The following ST6GALNAC3 variants were observed in gnomAD, a reference collection of about 807,000 sequenced individuals.
ST6GALNAC3 encodes the protein ST6 N-acetylgalactosaminide alpha-2,6-sialyltransferase 3.
A neutral mutation model predicts 32.7 loss-of-function variants in ST6GALNAC3; 25 were observed. That is an observed-to-expected ratio of 0.76 (90% confidence interval 0.56 to 1.07). ST6GALNAC3 has a LOEUF of 1.07. Among genes scored for constraint, ST6GALNAC3 ranks in the 50% least tolerant of loss-of-function variants. ST6GALNAC3 has a pLI of 0.00. For synonymous variants in ST6GALNAC3, 129 were observed against 133.1 expected (o/e 0.97, Z 0.21); for missense variants, 355 against 382.4 (o/e 0.93, Z 0.60).
chr1:76,487,737 T>G (rs539707487), intron 3 of ST6GALNAC3, among the ~76,000 whole-genome samples: 1 of 152,342 alleles, frequency 6.6e-6, no homozygotes, highest in East Asian at 1.9e-4. Flanking sequence ...GTCAAAGTCA[T>G]TCTCCATCCA....
At chr1:76,432,157 A>G (rs546114204) in intron 3 of ST6GALNAC3, among the ~76,000 whole-genome samples, 1 of 152,290 alleles carries the variant, frequency 6.6e-6, no homozygotes, top group East Asian at 1.9e-4. Context: ...TATTACACCC[A>G]TTTAAAGTTC....
chr1:76,476,782 T>C (rs759336870), intron 3 of ST6GALNAC3, among the ~76,000 whole-genome samples: 2 of 152,158 alleles, frequency 1.3e-5, no homozygotes, highest in Non-Finnish European at 2.9e-5. Flanking sequence ...TTTATGAAAA[T>C]GAGCAGCTGG....
intron 3 of ST6GALNAC3, among the ~76,000 whole-genome samples, chr1:76,571,901 G>A (rs1269198165): frequency 6.6e-6 from 1 of 151,940 alleles, no homozygotes; most frequent in Non-Finnish European, 1.5e-5. Context: ...AGAAAAAAGG[G>A]TGAATTTTCC....
chr1:76,484,425 A>G (rs1049975256), intron 3 of ST6GALNAC3, among the ~76,000 whole-genome samples: 1 of 152,172 alleles, frequency 6.6e-6, no homozygotes, highest in Non-Finnish European at 1.5e-5. Flanking sequence ...TTCTCCTTGA[A>G]GAGGTCCTTC....
At chr1:76,317,971 C>G (rs1220918263) in intron 2 of ST6GALNAC3, among the ~76,000 whole-genome samples, 2 of 151,978 alleles carry the variant, frequency 1.3e-5, no homozygotes, top group Non-Finnish European at 2.9e-5. Flanking sequence ...GAAAATATAG[C>G]TGGTTTGTGA....
At chr1:76,079,747 CCTT>C (rs1383035496) in intron 1 of ST6GALNAC3, among the ~76,000 whole-genome samples, 1 of 152,152 alleles carries the variant, frequency 6.6e-6, no homozygotes, top group East Asian at 1.9e-4. Flanking sequence ...CAGATCTAAT[CCTT>C]CTCCACAGTG....
chr1:76,604,413 G>C (rs997909387), intron 3 of ST6GALNAC3, among the ~76,000 whole-genome samples: 8 of 152,122 alleles, frequency 5.3e-5, no homozygotes, highest in African/African-American at 1.7e-4. Context: ...TTCTCTATGA[G>C]AGATGTAGAG....
chr1:76,246,243 T>C (rs191553301), intron 1 of ST6GALNAC3, among the ~76,000 whole-genome samples: 7 of 152,186 alleles, frequency 4.6e-5, no homozygotes, highest in Non-Finnish European at 1.0e-4. Context: ...TGCTTTTTTT[T>C]GGGCTTTCCA....
At chr1:76,598,559 ATC>A (rs1192680144) in intron 3 of ST6GALNAC3, among the ~76,000 whole-genome samples, 1 of 152,146 alleles carries the variant, frequency 6.6e-6, no homozygotes, top group Non-Finnish European at 1.5e-5. Flanking sequence ...TCTGATTTCA[ATC>A]TCTCTGGAAC....
At chr1:76,141,254 C>G (rs981660278) in intron 1 of ST6GALNAC3, among the ~76,000 whole-genome samples, 2 of 152,146 alleles carry the variant, frequency 1.3e-5, no homozygotes, top group Non-Finnish European at 2.9e-5. Flanking sequence ...GAGATAAGTT[C>G]TTAGAACTAT....
At chr1:76,309,535 G>A (rs1646715253) in intron 1 of ST6GALNAC3, among the ~76,000 whole-genome samples, 1 of 152,126 alleles carries the variant, frequency 6.6e-6, no homozygotes, top group Admixed American at 6.5e-5. Context: ...CGATCTGGTG[G>A]AAGTGACTAC....
chr1:76,114,402 C>G (rs946979830), intron 1 of ST6GALNAC3, among the ~76,000 whole-genome samples: 5 of 152,114 alleles, frequency 3.3e-5, no homozygotes, highest in East Asian at 3.9e-4. Context: ...CAGGGAGCAC[C>G]TGTCCTGAAC....
chr1:76,416,560 T>TA (rs997317566), intron 3 of ST6GALNAC3, among the ~76,000 whole-genome samples: 5 of 149,402 alleles, frequency 3.3e-5, no homozygotes, highest in Non-Finnish European at 7.4e-5. Flanking sequence ...TAAAAATACT[T>TA]AAAAAAAAAT....
At chr1:76,422,945 T>C (rs1482413319) in intron 3 of ST6GALNAC3, among the ~76,000 whole-genome samples, 3 of 152,046 alleles carry the variant, frequency 2.0e-5, no homozygotes, top group Admixed American at 1.3e-4. Context: ...TCTGTAATTA[T>C]ACCAGATGGT....
At chr1:76,211,664 C>T (rs201501499) in intron 1 of ST6GALNAC3, among the ~76,000 whole-genome samples, 1 of 152,034 alleles carries the variant, frequency 6.6e-6, no homozygotes, top group Non-Finnish European at 1.5e-5. Context: ...AAACCATCAT[C>T]CTCAGCAAAC....
At chr1:76,252,346 C>T (rs1657669593) in intron 1 of ST6GALNAC3, among the ~76,000 whole-genome samples, 1 of 152,126 alleles carries the variant, frequency 6.6e-6, no homozygotes. Context: ...AATGACCTCC[C>T]CCCAACCTTG....
At chr1:76,264,452 T>G (rs1367234082) in intron 1 of ST6GALNAC3, among the ~76,000 whole-genome samples, 2 of 152,188 alleles carry the variant, frequency 1.3e-5, no homozygotes, top group African/African-American at 2.4e-5. Context: ...CACTGAATAG[T>G]AATTGTAGTA....
intron 3 of ST6GALNAC3, among the ~76,000 whole-genome samples, chr1:76,510,656 A>G (rs1333942470): frequency 6.6e-6 from 1 of 152,206 alleles, no homozygotes; most frequent in African/African-American, 2.4e-5. Context: ...TTATATTTGG[A>G]TAAACCCATT....
intron 3 of ST6GALNAC3, among the ~76,000 whole-genome samples, chr1:76,597,832 A>T (rs1647161989): frequency 6.6e-6 from 1 of 152,056 alleles, no homozygotes; most frequent in South Asian, 2.1e-4. Context: ...AATCATTCCT[A>T]ATGTGATGCT....
Sources: gnomAD v4.1 joint callset for allele counts (sites outside exome capture counted in the v4.1 genomes callset) on GRCh38, gnomAD v4.1.1 for gene constraint, MANE v1.5 for transcripts, NCBI Gene and HGNC (gene_info 2026-07-23, HGNC 2026-07-21) for gene names.